CD8A: variants seen among roughly 807,000 people sequenced by gnomAD.
CD8A encodes T-cell surface glycoprotein CD8 alpha chain.
A neutral mutation model predicts 24.2 loss-of-function variants in CD8A; 25 were observed. The observed-to-expected ratio is 1.03, with a 90% CI of 0.75 to 1.44. The LOEUF (loss-of-function observed/expected upper bound fraction) is 1.44, where lower values mean the gene tolerates loss of function less well. Ranked by LOEUF, CD8A falls within the 40% of genes most tolerant of loss-of-function variation. CD8A has a pLI of 0.00. For synonymous variants in CD8A, 165 were observed against 149.9 expected, an observed-to-expected ratio of 1.10 and a Z score of -0.74; for missense variants, 360 against 319.7, an observed-to-expected ratio of 1.13 and a Z score of -0.96.
At position 86,785,428 on chromosome 2, in the gene CD8A, C is replaced by T; in HGVS notation, c.*492G>A. ...GCCGTTGGAGACTCAAGCACCTCACCCTGAGACAGGGGCCTCGGAAAGAAA... is the reference window on the plus strand; with the variant it reads ...GCCGTTGGAGACTCAAGCACCTCACTCTGAGACAGGGGCCTCGGAAAGAAA... On this transcript the variant is annotated 3_prime_UTR_variant, in exon 6 of 6. Transcript: ENST00000283635. The T allele has an allele frequency of 4.4e-6, 2 of 454,958 alleles. No homozygotes were observed. The highest frequency in any genetic ancestry group is 3.1e-5 in the South Asian group (2 of 64,484). The allele number at this position is 454,958 out of a possible 1,614,324, so 28.2% of individuals were successfully genotyped here. A position where few individuals can be genotyped will look rare whatever the true frequency, so the allele number is the denominator to read the frequency against.
In CD8A at chr2:86,785,260, AT is replaced by A. The variant is rs1288550810; in HGVS notation, c.*659del. Reference sequence around the variant, plus strand: ...CTTCATTTTATTTTAGGTCTATACAATTTTAGGCTTGATTATAAAAAAAAAA... The same window carrying A: ...CTTCATTTTATTTTAGGTCTATACAATTTAGGCTTGATTATAAAAAAAAAA... On this transcript the variant is annotated 3_prime_UTR_variant, in exon 6 of 6. Coordinates refer to ENST00000283635, the MANE Select transcript of CD8A (RefSeq NM_001768.7). 1 of 451,522 alleles carries A rather than the reference AT, an allele frequency of 2.2e-6. No individual in the cohort carries two copies. Among genetic ancestry groups the A allele is most frequent in the Non-Finnish European group, 4.4e-6 (1 of 226,304 alleles). The allele number at this position is 451,522 out of a possible 1,614,324, so 28.0% of individuals were successfully genotyped here. A position where few individuals can be genotyped will look rare whatever the true frequency, so the allele number is the denominator to read the frequency against.
rs1246569890 is a variant in CD8A at position 86,785,358 on chromosome 2, G to A, written c.*562C>T. 2.2e-6 allele frequency: 1 copy of A among 454,140 alleles called. No homozygotes were observed. The highest frequency in any genetic ancestry group is 4.4e-6 in the Non-Finnish European group (1 of 226,870). 28.1% of individuals were successfully genotyped at this position (454,140 alleles called of 1,614,324 possible). A position where few individuals can be genotyped will look rare whatever the true frequency, so the allele number is the denominator to read the frequency against. ...TTCTTTAATTCATTACCTCCTCGAG[G>A]CTCTGGGCACAGTATCCCAGGTATC... On this transcript the variant is annotated 3_prime_UTR_variant, in exon 6 of 6. Transcript: ENST00000283635.
intron 3 of CD8A, 41 bp downstream of exon 3, chr2:86,789,599 C>T (rs1558735022): frequency 1.4e-6 from 2 of 1,411,832 alleles, no homozygotes; most frequent in Admixed American, 2.0e-5. Context: ...GCTCTCCCCG[C>T]GGTGCGTGCC....
chr2:86,796,611 T>A (rs1673492825), intron 3 of CD8A, among the ~76,000 whole-genome samples: 2 of 152,240 alleles, frequency 1.3e-5, no homozygotes, highest in Admixed American at 1.3e-4. Flanking sequence ...ACATGCTTAC[T>A]GTAAAACTGA....
At chr2:86,792,357 C>T (rs1033751796), upstream of CD8A, among the ~76,000 whole-genome samples, 3 of 152,160 alleles carry the variant, frequency 2.0e-5, no homozygotes, top group South Asian at 2.1e-4. Flanking sequence ...TTCTGCTGGG[C>T]GAGGACCATG....
At chr2:86,789,020 C>CG (rs532740240) in intron 4 of CD8A, among the ~76,000 whole-genome samples, 22 of 152,214 alleles carry the variant, frequency 1.4e-4, no homozygotes, top group Non-Finnish European at 2.8e-4. Flanking sequence ...CCCCTCCCGG[C>CG]GGGCGTTTGT....
At chr2:86,794,359 C>T (rs568853608), upstream of CD8A, among the ~76,000 whole-genome samples, 2 of 152,304 alleles carry the variant, frequency 1.3e-5, no homozygotes, top group South Asian at 4.1e-4. Context: ...CATCAGGGTT[C>T]TGTGCCACTG....
rs36227194 is a variant in CD8A, at chr2:86,790,866, G to T, written c.-41C>A. The T allele has an allele frequency of 0.072, 110,053 of 1,530,498 alleles. 4,348 individuals carry two copies. The highest frequency in any genetic ancestry group is 0.083 in the African/African-American group (6,077 of 73,094). The allele number at this position is 1,530,498 out of a possible 1,614,324, so 94.8% of individuals were successfully genotyped here. A position where few individuals can be genotyped will look rare whatever the true frequency, so the allele number is the denominator to read the frequency against. On this transcript the variant is annotated 5_prime_UTR_variant, in exon 1 of 6. Coordinates refer to ENST00000283635, the MANE Select transcript of CD8A (RefSeq NM_001768.7). ...ACGCTGCTTGGCTCGAAGCTCGGGC[G>T]CGAGGGGAGGCGCGCGGGAGCCGGT...
At position 86,790,854 on chromosome 2, in the gene CD8A, C is replaced by G. The variant is rs1396040159; in HGVS notation, c.-29G>C. ...GCGCTCCCCAGGACGCTGCTTGGCT[C>G]GAAGCTCGGGCGCGAGGGGAGGCGC... is the stretch of plus-strand genomic sequence containing the variant. On this transcript the variant is annotated 5_prime_UTR_variant, in exon 1 of 6. Transcript: ENST00000283635. 11 of 1,537,106 alleles carry G rather than the reference C, an allele frequency of 7.2e-6. No individual in the cohort carries two copies. The highest frequency in any genetic ancestry group is 2.7e-5 in the African/African-American group (2 of 73,180).
intron 2 of CD8A, among the ~76,000 whole-genome samples, chr2:86,803,420 G>A (rs904292559): frequency 6.6e-6 from 1 of 152,122 alleles, no homozygotes; most frequent in African/African-American, 2.4e-5. Flanking sequence ...ATATATACAA[G>A]GGAATTCAGC....
chr2:86,789,844 C>T (rs1417646957), intron 2 of CD8A, 94 bp from the exon 3 acceptor site: 1 of 711,798 alleles, frequency 1.4e-6, no homozygotes, highest in African/African-American at 1.9e-5. Flanking sequence ...GGGGACGCCT[C>T]CCCCCGGTTT....
chr2:86,803,873 A>G (rs1673754156), intron 2 of CD8A, among the ~76,000 whole-genome samples: 1 of 152,234 alleles, frequency 6.6e-6, no homozygotes, highest in Non-Finnish European at 1.5e-5. Flanking sequence ...AAAAGGTCAA[A>G]TATATAGAGA....
At chr2:86,793,001 C>G (rs1014751935), upstream of CD8A, among the ~76,000 whole-genome samples, 4 of 152,206 alleles carry the variant, frequency 2.6e-5, no homozygotes, top group Admixed American at 6.5e-5. Flanking sequence ...ACTCTCCTCA[C>G]TGTCACCTGC....
chr2:86,787,898 A>AGAGAGAGAGTGTGTGT (rs369993109), intron 5 of CD8A, among the ~76,000 whole-genome samples: 14 of 144,490 alleles, frequency 9.7e-5, no homozygotes, highest in African/African-American at 2.3e-4. Flanking sequence ...AGAGAGAGAG[A>AGAGAGAGAGTGTGTGT]GTGTGTGTGT....
At chr2:86,805,698 T>C (rs975378411) in intron 2 of CD8A, among the ~76,000 whole-genome samples, 1 of 152,172 alleles carries the variant, frequency 6.6e-6, no homozygotes, top group African/African-American at 2.4e-5. Flanking sequence ...CTTCCATAAC[T>C]CACATCACTT....
intron 2 of CD8A, among the ~76,000 whole-genome samples, chr2:86,805,395 G>C (rs1414062223): frequency 6.6e-6 from 1 of 152,132 alleles, no homozygotes; most frequent in Non-Finnish European, 1.5e-5. Flanking sequence ...GTGTCCCATA[G>C]CTTTTGATAC....
At chr2:86,793,756 T>A (rs1014926274), upstream of CD8A, among the ~76,000 whole-genome samples, 2 of 152,218 alleles carry the variant, frequency 1.3e-5, no homozygotes, top group Admixed American at 6.5e-5. Context: ...CTGAGTGTGA[T>A]GATGGCCAGA....
At position 86,790,201 on chromosome 2, in the gene CD8A, A is replaced by C. The variant is rs1673216232; in HGVS notation, c.403+127T>G. 8.0e-6 allele frequency: 6 copies of C among 751,122 alleles called. No individual in the cohort carries two copies. The Admixed American group carries it at 1.2e-4, about 15-fold the overall frequency. The allele number at this position is 751,122 out of a possible 1,614,324, so 46.5% of individuals were successfully genotyped here. On this transcript the variant is annotated intron_variant, in intron 2 of 5. Coordinates refer to ENST00000283635, the MANE Select transcript of CD8A (RefSeq NM_001768.7). ...AGCCTCAGTTTGCTGTGTCTGTGAA[A>C]TGGGAACAGTATCTAAGTCGCTTCC...
chr2:86,790,069 G>A (rs1376182941), intron 2 of CD8A, among the ~76,000 whole-genome samples: 1 of 152,242 alleles, frequency 6.6e-6, no homozygotes, highest in Non-Finnish European at 1.5e-5. Flanking sequence ...GCAAACGGAG[G>A]CGCAGATAAT....
Sources: allele counts gnomAD v4.1 joint callset (sites outside exome capture counted in the v4.1 genomes callset), GRCh38; gene constraint gnomAD v4.1.1; transcripts MANE v1.5; gene names NCBI Gene and HGNC (gene_info 2026-07-23, HGNC 2026-07-21).